Variants in CCN6 observed in about 807,000 individuals in gnomAD.
The protein encoded by CCN6 is CCN family member 6.
CCN6 carries 31 observed loss-of-function variants against 37.4 expected under a neutral mutation model. The ratio of observed to expected loss-of-function variants is 0.83; its 90% CI spans 0.62 to 1.12. CCN6 has a LOEUF of 1.12. Ranked by LOEUF, CCN6 falls within the 50% of genes most tolerant of loss-of-function variation. The pLI is 0.00. For synonymous variants in CCN6, 137 were observed against 142.1 expected (o/e 0.96, Z 0.26); for missense variants, 369 against 413.8 (o/e 0.89, Z 0.94).
At chr6:112,066,144 T>C (rs1378419958) in intron 3 of CCN6, among the ~76,000 whole-genome samples, 4 of 152,208 alleles carry the variant, frequency 2.6e-5, no homozygotes, top group Non-Finnish European at 5.9e-5. Context: ...ACTCCAGTTT[T>C]GTCAGTAAAT....
chr6:112,054,431 C>A, intron 1 of CCN6, 26 bp downstream of exon 1: 2 of 1,609,568 alleles, frequency 1.2e-6, no homozygotes, highest in Non-Finnish European at 1.7e-6. Context: ...CGACTCTTTC[C>A]CTTCCGGAGG....
At chr6:112,052,967 T>C (rs1554310986), upstream of CCN6, among the ~76,000 whole-genome samples, 1 of 152,178 alleles carries the variant, frequency 6.6e-6, no homozygotes, top group Non-Finnish European at 1.5e-5. Flanking sequence ...ATGTTGTCTT[T>C]ATACAGTAGT....
chr6:112,061,452 GA>G (rs1776520179), intron 2 of CCN6, 164 bp downstream of exon 2: 1 of 821,298 alleles, frequency 1.2e-6, no homozygotes, highest in African/African-American at 1.7e-5. Flanking sequence ...GATACTATGT[GA>G]AATTAGCAGA....
rs1554314697 is a variant in CCN6 at position 112,069,375 on chromosome 6, C to T, written c.820C>T (p.Leu274Phe). 3 of 1,613,592 alleles carry T rather than the reference C, an allele frequency of 1.9e-6. No individual in the cohort carries two copies. In the South Asian group the frequency reaches 3.3e-5, roughly 18 times the overall value. The change falls in exon 5 of 5, where the codon CTC (leucine) becomes TTC (phenylalanine). Residue 274 changes from leucine (L) to phenylalanine (F), a missense_variant. Physicochemically the swap from Leu to Phe is conservative, Grantham distance 22. Transcript: ENST00000368666. ...KGKTCQPTFQ[L>F]SKAEKFVFSG... ...AAAAACATGCCAACCTACTTTCCAACTCTCCAAAGCTGAAAAATTTGTCTT... is the reference window on the plus strand; with the variant it reads ...AAAAACATGCCAACCTACTTTCCAATTCTCCAAAGCTGAAAAATTTGTCTT...
At chr6:112,065,601 AAC>A (rs1290841311) in intron 3 of CCN6, among the ~76,000 whole-genome samples, 10 of 144,228 alleles carry the variant, frequency 6.9e-5, no homozygotes, top group Non-Finnish European at 1.4e-4. Context: ...CACACACACA[AAC>A]ACACACGCAC....
At chr6:112,059,981 G>C (rs782558885) in intron 1 of CCN6, 1 of 1,358,816 alleles carries the variant, frequency 7.4e-7, no homozygotes, top group Admixed American at 2.0e-5. Context: ...AGAAATTTGA[G>C]CACAGACCTA....
intron 2 of CCN6, 28 bp from the exon 3 acceptor site, chr6:112,064,727 T>C (rs587630255): frequency 6.2e-7 from 1 of 1,613,890 alleles, no homozygotes; most frequent in Non-Finnish European, 8.5e-7. Flanking sequence ...ATGGCTTCTT[T>C]GGCAATTTTG....
intron 3 of CCN6, among the ~76,000 whole-genome samples, chr6:112,065,601 A>ACACACGCACACACACACAAAC (rs1562597599): frequency 2.8e-5 from 4 of 144,104 alleles, no homozygotes; most frequent in African/African-American, 1.0e-4. Flanking sequence ...CACACACACA[A>ACACACGCACACACACACAAAC]ACACACACGC....
At chr6:112,064,287 C>A (rs1562596649) in intron 2 of CCN6, among the ~76,000 whole-genome samples, 1 of 152,144 alleles carries the variant, frequency 6.6e-6, no homozygotes, top group Non-Finnish European at 1.5e-5. Context: ...TCAAGAATAC[C>A]CATCAGAGGA....
In CCN6 at chr6:112,068,185, C is replaced by T; in HGVS notation, c.590-20C>T. ...GTACATTTATATGTATACATATGTA[C>T]TTTTCTCCCTTTGTTTTAGCTTATA... On this transcript the variant is annotated intron_variant, in intron 3 of 4. Coordinates refer to ENST00000368666, the MANE Select transcript of CCN6 (RefSeq NM_198239.2). 6.3e-7 allele frequency: 1 copy of T among 1,591,886 alleles called. No individual in the cohort carries two copies.
intron 2 of CCN6, among the ~76,000 whole-genome samples, chr6:112,062,435 A>C (rs1482090992): frequency 6.6e-6 from 1 of 152,258 alleles, no homozygotes; most frequent in East Asian, 1.9e-4. Flanking sequence ...AGAGCCAAGC[A>C]CTGTGGCCAG....
intron 2 of CCN6, 70 bp from the exon 3 acceptor site, chr6:112,064,685 T>C: frequency 6.2e-7 from 1 of 1,608,568 alleles, no homozygotes; most frequent in South Asian, 1.1e-5. Flanking sequence ...TCTTCTTAGG[T>C]TTATAATTGG....
intron 1 of CCN6, among the ~76,000 whole-genome samples, chr6:112,060,257 C>G: frequency 6.6e-6 from 1 of 152,042 alleles, no homozygotes; most frequent in East Asian, 1.9e-4. Context: ...TTCTGGATGT[C>G]AAGTGGACAA....
Position 112,069,645 on chromosome 6 carries a change from A to G in CCN6, c.*25A>G. On this transcript the variant is annotated 3_prime_UTR_variant, in exon 5 of 5. Coordinates refer to ENST00000368666, the MANE Select transcript of CCN6 (RefSeq NM_198239.2). Reference sequence around the variant, plus strand: ...AAACCAAGCAAATGGGGGAAAAGTTAGTCAATCCTGTCATATAATAAAAAA... The same window carrying G: ...AAACCAAGCAAATGGGGGAAAAGTTGGTCAATCCTGTCATATAATAAAAAA... 6.2e-7 allele frequency: 1 copy of G among 1,613,140 alleles called. No homozygotes were observed. Among genetic ancestry groups the G allele is most frequent in the South Asian group, 1.1e-5 (1 of 90,954 alleles).
intron 3 of CCN6, chr6:112,067,097 T>C: frequency 8.1e-7 from 1 of 1,229,694 alleles, no homozygotes; most frequent in South Asian, 1.2e-5. Flanking sequence ...TCTACTGTCA[T>C]AACACTGAAA....
At position 112,061,079 on chromosome 6, in the gene CCN6, A is replaced by G; in HGVS notation, c.137A>G (p.Gln46Arg). ...GTGTCAGATGCACCTCAGCGTAAAC[A>G]GTTTTGTCACTGGCCCTGCAAATGC... ...GEVSDAPQRK[Q>R]FCHWPCKCPQ... The change falls in exon 2 of 5, where the codon CAG (glutamine) becomes CGG (arginine). Residue 46 changes from glutamine (Q) to arginine (R), a missense_variant. By Grantham distance (43) the Gln-to-Arg change is conservative. Coordinates refer to ENST00000368666, the MANE Select transcript of CCN6 (RefSeq NM_198239.2). The G allele has an allele frequency of 6.2e-7, 1 of 1,614,198 alleles. No homozygotes were observed. Among genetic ancestry groups the G allele is most frequent in the Non-Finnish European group, 8.5e-7 (1 of 1,180,036 alleles).
In CCN6 at chr6:112,069,273, T is replaced by C. The variant is rs1334765393; in HGVS notation, c.784-66T>C. On this transcript the variant is annotated intron_variant, in intron 4 of 4. Coordinates refer to ENST00000368666, the MANE Select transcript of CCN6 (RefSeq NM_198239.2). Reference sequence around the variant, plus strand: ...TACTCAGATTTGTACTATAAACTATTCTACATGTTTTCAAAACTATTGTAA... The same window carrying C: ...TACTCAGATTTGTACTATAAACTATCCTACATGTTTTCAAAACTATTGTAA... 11 of 1,539,434 alleles carry C rather than the reference T, an allele frequency of 7.1e-6. No individual in the cohort carries two copies. The East Asian group carries it at 2.3e-4, about 33-fold the overall frequency.
intron 3 of CCN6, 88 bp downstream of exon 3, chr6:112,065,085 C>T: frequency 6.3e-7 from 1 of 1,588,074 alleles, no homozygotes; most frequent in Non-Finnish European, 8.6e-7. Context: ...TCAGTAAGTA[C>T]TTGTTGATTG....
chr6:112,068,508 C>A, intron 4 of CCN6, 110 bp downstream of exon 4: 1 of 1,019,934 alleles, frequency 9.8e-7, no homozygotes. Flanking sequence ...AAAATAAAAG[C>A]ATCTCATTAT....
Sources: gnomAD v4.1 joint callset for allele counts (sites outside exome capture counted in the v4.1 genomes callset) on GRCh38, gnomAD v4.1.1 for gene constraint, MANE v1.5 for transcripts, NCBI Gene and HGNC (gene_info 2026-07-23, HGNC 2026-07-21) for gene names.